Variants in KANK1 observed in about 807,000 individuals in gnomAD.
The protein encoded by KANK1 is KN motif and ankyrin repeat domain-containing protein 1.
In KANK1, 109 loss-of-function variants were observed where a neutral mutation model predicts 106.2. The ratio of observed to expected loss-of-function variants is 1.03; its 90% CI spans 0.88 to 1.20. The LOEUF is 1.20. KANK1 is among the 50% of genes most tolerant of loss of function. The pLI is 0.00. For missense variants in KANK1, 2,399 were observed against 1,710.7 expected (o/e 1.40, Z -7.10); for synonymous variants, 873 against 652.2 (o/e 1.34, Z -5.16).
In KANK1 at chr9:589,066, G is replaced by A. The variant is rs1305016033; in HGVS notation, c.-84+84312G>A. Among the ~76,000 whole-genome samples, 11 of 152,218 alleles carry A rather than the reference G, an allele frequency of 7.2e-5. No individual in the cohort carries two copies. In the South Asian group the frequency reaches 1.2e-3, roughly 17 times the overall value. ...ACCTGAAGATCACAAATTACCTTCC[G>A]TGACTCAGTTGATGCTGAGAGGTCA... On this transcript the variant is annotated intron_variant, in intron 1 of 11. Coordinates refer to ENST00000382297, the MANE Select transcript of KANK1 (RefSeq NM_015158.5).
At chr9:668,131 G>T in intron 1 of KANK1, among the ~76,000 whole-genome samples, 1 of 152,156 alleles carries the variant, frequency 6.6e-6, no homozygotes, top group East Asian at 1.9e-4. Context: ...GACTTGTTTT[G>T]TGGCCTAAAA....
At position 711,193 on chromosome 9, in the gene KANK1, C is replaced by T. The variant is rs376812268; in HGVS notation, c.427C>T (p.Pro143Ser). Residue 143 changes from proline (P) to serine (S), a missense_variant, in exon 3 of 12, where the codon CCC becomes TCC. By Grantham distance (74) the Pro-to-Ser change is moderately conservative. Coordinates refer to ENST00000382297, the MANE Select transcript of KANK1 (RefSeq NM_015158.5). ...TIPENRQLPPPSPQLPKHNLH... is the reference protein window; with the variant it reads ...TIPENRQLPPSSPQLPKHNLH... ...CCCAGAAAATCGACAGCTGCCACCT[C>T]CCTCACCACAACTCCCAAAGCATAA... 12 of 1,614,034 alleles carry T rather than the reference C, an allele frequency of 7.4e-6. No individual in the cohort carries two copies. Among genetic ancestry groups the T allele is most frequent in the African/African-American group, 1.3e-5 (1 of 74,896 alleles).
chr9:523,424 G>C (rs1042119137), intron 1 of KANK1, among the ~76,000 whole-genome samples: 2 of 151,636 alleles, frequency 1.3e-5, no homozygotes, highest in African/African-American at 4.9e-5. Context: ...TACTGCACTA[G>C]CCTGATACCT....
intron 1 of KANK1, among the ~76,000 whole-genome samples, chr9:652,539 TG>T (rs1287723648): frequency 6.6e-6 from 1 of 152,018 alleles, no homozygotes; most frequent in African/African-American, 2.4e-5. Flanking sequence ...TAAAATAAAG[TG>T]TTTGCAGTGT....
intron 3 of KANK1, chr9:477,668 CA>C (rs1204799991): frequency 2.0e-5 from 3 of 152,196 alleles, no homozygotes; most frequent in African/African-American, 7.2e-5. Flanking sequence ...AAAGGAATCC[CA>C]AAAGAAGAAA....
intron 1 of KANK1, among the ~76,000 whole-genome samples, chr9:558,000 C>CTG (rs1242619622): frequency 6.6e-6 from 1 of 151,696 alleles, no homozygotes; most frequent in Non-Finnish European, 1.5e-5. Context: ...GCAAGACTCT[C>CTG]TCAAAAAACA....
chr9:482,357 T>G (rs61448871), intron 3 of KANK1, among the ~76,000 whole-genome samples: 2,976 of 152,320 alleles, frequency 0.02, 102 homozygotes, highest in African/African-American at 0.069. Context: ...CTTTATTATG[T>G]GGTGTACACC....
At position 731,223 on chromosome 9, in the gene KANK1, A is replaced by C; in HGVS notation, c.2962A>C (p.Asn988His). The C allele has an allele frequency of 3.1e-6, 5 of 1,611,866 alleles. No homozygotes were observed. Among genetic ancestry groups the C allele is most frequent in the Non-Finnish European group, 4.2e-6 (5 of 1,178,080 alleles). ...GAAGAAAGATGGTAACAAAGATTCAAATGGCGCAAAAAAGAATCTTCAGTT... is the reference window on the plus strand; with the variant it reads ...GAAGAAAGATGGTAACAAAGATTCACATGGCGCAAAAAAGAATCTTCAGTT... ...MKKKDGNKDS[N>H]GAKKNLQFVG... is the part of the protein sequence containing the mutation. The change falls in exon 5 of 12, where the codon AAT becomes CAT. Residue 988 changes from asparagine (N) to histidine (H), a missense_variant. Physicochemically the swap from Asn to His is moderately conservative, Grantham distance 68. Transcript: ENST00000382297.
Position 712,520 on chromosome 9 carries a change from C to T in KANK1, c.1754C>T (p.Ser585Phe). The T allele has an allele frequency of 6.2e-7, 1 of 1,614,098 alleles. No homozygotes were observed. The highest frequency in any genetic ancestry group is 8.5e-7 in the Non-Finnish European group (1 of 1,180,014). ...ATGCATGACCGATGTGCTGGGAGGT[C>T]TGTGGAAATGTGTGACAAGAGTGTG... is the stretch of plus-strand genomic sequence containing the variant. ...VEMHDRCAGR[S>F]VEMCDKSVSV... The change falls in exon 3 of 12, where the codon TCT becomes TTT. Residue 585 changes from serine (S) to phenylalanine (F), a missense_variant. Ser to Phe is a radical substitution (Grantham distance 155). Coordinates refer to ENST00000382297, the MANE Select transcript of KANK1 (RefSeq NM_015158.5).
chr9:575,085 C>G (rs1820193622), intron 1 of KANK1, among the ~76,000 whole-genome samples: 1 of 152,102 alleles, frequency 6.6e-6, no homozygotes, highest in Non-Finnish European at 1.5e-5. Flanking sequence ...TCCCATCTTG[C>G]TTGGCAAATG....
chr9:591,715 G>C (rs1824929142), intron 1 of KANK1, among the ~76,000 whole-genome samples: 1 of 151,830 alleles, frequency 6.6e-6, no homozygotes, highest in East Asian at 1.9e-4. Flanking sequence ...GGAGTTCTGT[G>C]GTGCGATCTT....
intron 2 of KANK1, chr9:686,770 G>A (rs1818685949): frequency 1.0e-6 from 1 of 985,238 alleles, no homozygotes; most frequent in Admixed American, 6.2e-5. Context: ...ATCTGAGTGG[G>A]CCCAAGCATC....
chr9:526,958 A>C (rs1250842164), intron 1 of KANK1, among the ~76,000 whole-genome samples: 1 of 151,766 alleles, frequency 6.6e-6, no homozygotes, highest in Non-Finnish European at 1.5e-5. Context: ...TTAATATATA[A>C]TGTTTATAGT....
At position 712,524 on chromosome 9, in the gene KANK1, G is replaced by C; in HGVS notation, c.1758G>C (p.Val586=). 6.2e-7 allele frequency: 1 copy of C among 1,614,180 alleles called. No homozygotes were observed. The highest frequency in any genetic ancestry group is 1.1e-5 in the South Asian group (1 of 91,084). Residue 586 remains valine, a synonymous_variant, in exon 3 of 12, where the codon GTG becomes GTC. Transcript: ENST00000382297. ...EMHDRCAGRS[V]EMCDKSVSVE... is the part of the protein sequence containing the mutation. ...ATGACCGATGTGCTGGGAGGTCTGTGGAAATGTGTGACAAGAGTGTGAGTG... is the reference window on the plus strand; with the variant it reads ...ATGACCGATGTGCTGGGAGGTCTGTCGAAATGTGTGACAAGAGTGTGAGTG...
chr9:629,745 G>A (rs992872743), intron 1 of KANK1, among the ~76,000 whole-genome samples: 11 of 152,122 alleles, frequency 7.2e-5, no homozygotes, highest in Non-Finnish European at 1.3e-4. Context: ...CCTTGTATAC[G>A]TATGTAGAGA....
rs752724395 is a variant in KANK1, at chr9:732,500, C to T, written c.3128C>T (p.Thr1043Ile). ...EEEEEEEDED[T>I]RGMAEGHHAV... ...GAGGAGGAGGAGGAGGATGAAGACA[C>T]TCGGGGAATGGCAGAAGGGCACCAT... The change falls in exon 6 of 12, where the codon ACT (threonine) becomes ATT (isoleucine). Residue 1043 changes from threonine (T) to isoleucine (I), a missense_variant. Transcript: ENST00000382297. 9.3e-6 allele frequency: 15 copies of T among 1,614,072 alleles called. No individual in the cohort carries two copies. The highest frequency in any genetic ancestry group is 6.7e-5 in the Admixed American group (4 of 60,012).
At chr9:723,845 T>G (rs1449035468) in intron 3 of KANK1, among the ~76,000 whole-genome samples, 2 of 150,182 alleles carry the variant, frequency 1.3e-5, no homozygotes, top group Non-Finnish European at 3.0e-5. Context: ...GTAATTCCAG[T>G]ACTTTCAGAG....
intron 1 of KANK1, among the ~76,000 whole-genome samples, chr9:535,005 C>T (rs2133656198): frequency 6.6e-6 from 1 of 152,280 alleles, no homozygotes; most frequent in South Asian, 2.1e-4. Flanking sequence ...AGGATGCCCC[C>T]TTTGCCCCTC....
chr9:636,992 CTTTGT>C (rs1837301009), intron 1 of KANK1, among the ~76,000 whole-genome samples: 1 of 152,210 alleles, frequency 6.6e-6, no homozygotes, highest in Non-Finnish European at 1.5e-5. Context: ...CTATTCAAAA[CTTTGT>C]TTATACCTTT....
Sources: gnomAD v4.1 joint callset for allele counts (sites outside exome capture counted in the v4.1 genomes callset) on GRCh38, gnomAD v4.1.1 for gene constraint, MANE v1.5 for transcripts, NCBI Gene and HGNC (gene_info 2026-07-23, HGNC 2026-07-21) for gene names.